NPAS3: variants seen among roughly 807,000 people sequenced by gnomAD.
NPAS3 encodes neuronal PAS domain protein 3.
Under a neutral mutation model 73.1 loss-of-function variants are expected in NPAS3, and 14 were observed. The ratio of observed to expected loss-of-function variants is 0.19; its 90% CI spans 0.13 to 0.30. The LOEUF is 0.30. Ranked by LOEUF, NPAS3 falls within the 10% of genes least tolerant of loss-of-function variation. NPAS3 has a pLI of 1.00. For synonymous variants in NPAS3, 620 were observed against 541.5 expected (o/e 1.14, Z -2.01); for missense variants, 1,096 against 1,250.0 (o/e 0.88, Z 1.86).
rs573148957 is a variant in NPAS3, at chr14:33,637,975, G to C, written c.559-38236G>C. 7.2e-5 allele frequency among the ~76,000 whole-genome samples: 11 copies of C among 152,278 alleles called. No individual in the cohort carries two copies. The South Asian group carries it at 2.3e-3, about 32-fold the overall frequency. On this transcript the variant is annotated intron_variant, in intron 5 of 11. Coordinates refer to ENST00000356141, the Ensembl canonical transcript of NPAS3. ...TCATGCCATGTGTCTCCTATGAAGT[G>C]ATCTTTCCGTGCTGTGAGTTCCGGT... is the stretch of plus-strand genomic sequence containing the variant.
At chr14:33,391,606 G>A (rs1004553664) in intron 4 of NPAS3, among the ~76,000 whole-genome samples, 1 of 152,236 alleles carries the variant, frequency 6.6e-6, no homozygotes, top group Non-Finnish European at 1.5e-5. Flanking sequence ...AAGAGAGGTA[G>A]AGAGGGAGAA....
chr14:33,298,922 G>C (rs1457541272), intron 3 of NPAS3, among the ~76,000 whole-genome samples: 1 of 152,134 alleles, frequency 6.6e-6, no homozygotes, highest in Non-Finnish European at 1.5e-5. Flanking sequence ...AATGGTGACT[G>C]CTTCAAGGAC....
At chr14:33,555,975 T>G (rs1230624876) in intron 4 of NPAS3, among the ~76,000 whole-genome samples, 1 of 152,030 alleles carries the variant, frequency 6.6e-6, no homozygotes, top group South Asian at 2.1e-4. Context: ...CCTACCAAAT[T>G]GGCCGTTATT....
At chr14:33,002,460 G>C (rs1262835762) in intron 1 of NPAS3, among the ~76,000 whole-genome samples, 1 of 152,162 alleles carries the variant, frequency 6.6e-6, no homozygotes, top group Non-Finnish European at 1.5e-5. Context: ...ATGGTTGTTT[G>C]TAGGATCCTG....
At chr14:33,781,091 C>A (rs1167677687) in intron 9 of NPAS3, among the ~76,000 whole-genome samples, 2 of 152,098 alleles carry the variant, frequency 1.3e-5, no homozygotes, top group African/African-American at 2.4e-5. Flanking sequence ...TGGAATAACT[C>A]CACAATGTCA....
At chr14:32,999,741 T>G (rs1265755702) in intron 1 of NPAS3, among the ~76,000 whole-genome samples, 1 of 152,190 alleles carries the variant, frequency 6.6e-6, no homozygotes. Flanking sequence ...CTGTTAGTGA[T>G]GTATTTTCTT....
At chr14:33,463,258 C>T (rs2050357697) in intron 4 of NPAS3, among the ~76,000 whole-genome samples, 1 of 152,150 alleles carries the variant, frequency 6.6e-6, no homozygotes, top group African/African-American at 2.4e-5. Flanking sequence ...TCTAAGTAGC[C>T]ATCATCCAAC....
chr14:33,482,055 T>TG (rs1233646895), intron 4 of NPAS3, among the ~76,000 whole-genome samples: 2 of 143,520 alleles, frequency 1.4e-5, no homozygotes, highest in African/African-American at 5.1e-5. Flanking sequence ...AGAAGCAAGT[T>TG]TTTTTTTTTT....
chr14:33,583,438 G>A (rs776369251), intron 5 of NPAS3: 2 of 152,120 alleles, frequency 1.3e-5, no homozygotes, highest in Non-Finnish European at 2.9e-5. Context: ...GTATATGTAA[G>A]TATTCTTGCT....
At chr14:33,288,442 C>A (rs747591919) in intron 3 of NPAS3, among the ~76,000 whole-genome samples, 13 of 151,928 alleles carry the variant, frequency 8.6e-5, no homozygotes, top group South Asian at 2.1e-4. Flanking sequence ...CAGGCTGGAC[C>A]AGATTGGTCA....
rs140444823 is a variant in NPAS3 at position 33,200,426 on chromosome 14, G to T, written c.141-14756G>T. 2.2e-4 allele frequency among the ~76,000 whole-genome samples: 34 copies of T among 152,090 alleles called. 1 individual carries two copies. In the East Asian group the frequency reaches 6.6e-3, roughly 30 times the overall value. On this transcript the variant is annotated intron_variant, in intron 2 of 11. Coordinates refer to ENST00000356141, the Ensembl canonical transcript of NPAS3. The stretch of plus-strand genomic sequence containing the variant: ...ATAATTATGGTTTCTTTTCTTCTAA[G>T]TTCAGTTTCTTCATTTTCCTCCATT...
chr14:32,962,224 A>G (rs1345424974), intron 1 of NPAS3, among the ~76,000 whole-genome samples: 1 of 152,200 alleles, frequency 6.6e-6, no homozygotes, highest in Non-Finnish European at 1.5e-5. Flanking sequence ...GATGCCAAAA[A>G]GTGAGTTGGT....
At chr14:33,191,500 A>G (rs544230945) in intron 2 of NPAS3, among the ~76,000 whole-genome samples, 1 of 152,342 alleles carries the variant, frequency 6.6e-6, no homozygotes, top group Admixed American at 6.5e-5. Context: ...GTTGAGAGTC[A>G]TAGGTCATTG....
intron 2 of NPAS3, among the ~76,000 whole-genome samples, chr14:33,091,318 A>C (rs2042217282): frequency 6.6e-6 from 1 of 152,360 alleles, no homozygotes; most frequent in Non-Finnish European, 1.5e-5. Context: ...ATCACCACCG[A>C]TCCCACAGAA....
At chr14:33,750,365 GA>G (rs1035703942) in intron 7 of NPAS3, among the ~76,000 whole-genome samples, 1 of 152,110 alleles carries the variant, frequency 6.6e-6, no homozygotes, top group African/African-American at 2.4e-5. Flanking sequence ...ATAAAATGGA[GA>G]GATTTATTAC....
At chr14:33,656,952 T>A (rs1029761310) in intron 5 of NPAS3, among the ~76,000 whole-genome samples, 3 of 152,160 alleles carry the variant, frequency 2.0e-5, no homozygotes, top group Non-Finnish European at 4.4e-5. Flanking sequence ...TTATTCACAG[T>A]AGCCAAGATA....
At chr14:33,166,152 C>G (rs950508643) in intron 2 of NPAS3, among the ~76,000 whole-genome samples, 2 of 152,144 alleles carry the variant, frequency 1.3e-5, no homozygotes, top group Non-Finnish European at 2.9e-5. Context: ...GAAGCCTCCC[C>G]CTCACCCCTC....
At position 33,508,345 on chromosome 14, in the gene NPAS3, C is replaced by T. The variant is rs1008402886; in HGVS notation, c.469-51776C>T. Reference sequence around the variant, plus strand: ...TTACCAAATGCCTGAAGAGGTGAAGCCTGGATTTTCCTCAGCACTATGAAG... The same window carrying T: ...TTACCAAATGCCTGAAGAGGTGAAGTCTGGATTTTCCTCAGCACTATGAAG... On this transcript the variant is annotated intron_variant, in intron 4 of 11. Coordinates refer to ENST00000356141, the Ensembl canonical transcript of NPAS3. Among the ~76,000 whole-genome samples the T allele has an allele frequency of 4.6e-5, 7 of 152,096 alleles. No homozygotes were observed. The South Asian group carries it at 1.5e-3, about 32-fold the overall frequency.
chr14:32,952,485 A>G (rs1474212970), intron 1 of NPAS3, among the ~76,000 whole-genome samples: 8 of 152,044 alleles, frequency 5.3e-5, no homozygotes, highest in African/African-American at 1.4e-4. Context: ...AACATGAAAA[A>G]CCTTTAGTGT....
Sources: allele counts gnomAD v4.1 joint callset (sites outside exome capture counted in the v4.1 genomes callset), GRCh38; gene constraint gnomAD v4.1.1; transcripts MANE v1.5; gene names NCBI Gene and HGNC (gene_info 2026-07-23, HGNC 2026-07-21).